DNAH12: variants seen among roughly 807,000 people sequenced by gnomAD.
DNAH12 encodes axonemal beta dynein heavy chain 12.
Under a neutral mutation model 371.5 loss-of-function variants are expected in DNAH12, and 285 were observed. The observed-to-expected ratio is 0.77, with a 90% CI of 0.70 to 0.85. The LOEUF is 0.85. DNAH12 is among the 40% of genes least tolerant of loss of function. The probability of loss-of-function intolerance (pLI) is 0.00; values close to 1 mark genes in which losing one functional copy is unlikely to be tolerated. For synonymous variants in DNAH12, 1,200 were observed against 1,213.0 expected (o/e 0.99, Z 0.22); for missense variants, 3,611 against 3,689.4 (o/e 0.98, Z 0.55).
chr3:57,318,363 T>C (rs1324827281), intron 65 of DNAH12, among the ~76,000 whole-genome samples: 2 of 152,180 alleles, frequency 1.3e-5, no homozygotes, highest in African/African-American at 4.8e-5. Flanking sequence ...TTAAATTTCA[T>C]TCTTTTGCAT....
At chr3:57,471,309 T>C (rs1466758030) in intron 15 of DNAH12, among the ~76,000 whole-genome samples, 163 bp downstream of exon 15, 2 of 149,326 alleles carry the variant, frequency 1.3e-5, no homozygotes, top group African/African-American at 4.9e-5. Context: ...CTATATATTA[T>C]AGTATTAGAT....
At chr3:57,531,811 TG>T (rs1219453012) in intron 2 of DNAH12, among the ~76,000 whole-genome samples, 1 of 150,586 alleles carries the variant, frequency 6.6e-6, no homozygotes, top group Non-Finnish European at 1.5e-5. Flanking sequence ...TCATCTTCTT[TG>T]GGTTAAATGT....
At chr3:57,540,512 T>G (rs1051413276) in intron 2 of DNAH12, among the ~76,000 whole-genome samples, 1 of 152,180 alleles carries the variant, frequency 6.6e-6, no homozygotes. Context: ...AGGATAAGTA[T>G]TCAGGCAGAC....
intron 11 of DNAH12, among the ~76,000 whole-genome samples, chr3:57,499,587 A>G (rs1173876306): frequency 5.1e-5 from 7 of 136,882 alleles, no homozygotes; most frequent in African/African-American, 1.6e-4. Flanking sequence ...TGAGCTTAGA[A>G]GTTCAAAACC....
rs572967097 is a variant in DNAH12 at position 57,434,036 on chromosome 3, A to G, written c.4656-208T>C. 4.6e-5 allele frequency among the ~76,000 whole-genome samples: 7 copies of G among 152,310 alleles called. 1 individual carries two copies. In the South Asian group the frequency reaches 1.5e-3, roughly 32 times the overall value. On this transcript the variant is annotated intron_variant, in intron 30 of 73. Transcript: ENST00000495027. ...TCACTGTAATATTATTTTCTCCAAA[A>G]GGGAATATAATAAACAATCTCCAAA...
chr3:57,369,538 A>C (rs2063127087), intron 55 of DNAH12, among the ~76,000 whole-genome samples: 1 of 151,914 alleles, frequency 6.6e-6, no homozygotes, highest in African/African-American at 2.4e-5. Flanking sequence ...CCCCAAAGAC[A>C]AAACTAGCTG....
At chr3:57,411,760 T>G (rs930849190) in intron 39 of DNAH12, among the ~76,000 whole-genome samples, 1 of 152,114 alleles carries the variant, frequency 6.6e-6, no homozygotes, top group Non-Finnish European at 1.5e-5. Flanking sequence ...CCTTCCAAAC[T>G]TGACATGTAG....
Position 57,298,582 on chromosome 3 carries a change from T to C in DNAH12, c.11395-1598A>G, listed in dbSNP as rs9877369. 6.0e-3 allele frequency among the ~76,000 whole-genome samples: 908 copies of C among 152,364 alleles called. 7 individuals are homozygous for C. Among genetic ancestry groups the C allele is most frequent in the African/African-American group, 0.02 (838 of 41,570 alleles). On this transcript the variant is annotated intron_variant, in intron 70 of 73. Transcript: ENST00000495027. ...CTTATGTCAGAATTTTTGTTACTTA[T>C]AATGGAATCAATCCAAAGTGGTACA...
intron 58 of DNAH12, among the ~76,000 whole-genome samples, chr3:57,361,531 C>G (rs2062936827): frequency 6.9e-6 from 1 of 143,938 alleles, no homozygotes; most frequent in Non-Finnish European, 1.5e-5. Context: ...AAACTATTTG[C>G]CTCTCTTCCT....
chr3:57,382,952 T>C (rs1274097327), intron 49 of DNAH12, among the ~76,000 whole-genome samples: 1 of 152,230 alleles, frequency 6.6e-6, no homozygotes, highest in Non-Finnish European at 1.5e-5. Flanking sequence ...TTTCATGCAA[T>C]TAAAGTTCTG....
At chr3:57,308,642 C>T (rs915776046) in intron 69 of DNAH12, among the ~76,000 whole-genome samples, 9 of 152,110 alleles carry the variant, frequency 5.9e-5, no homozygotes, top group Non-Finnish European at 1.2e-4. Context: ...TTTACACTGC[C>T]GGTTTACACT....
chr3:57,457,768 C>T lies in DNAH12; in HGVS notation c.3289G>A (p.Asp1097Asn). ...TCGTGAACACTCCGGAGCATTAGGT[C>T]TTCCACTTGAATGAGCCACTTTTCC... is the stretch of plus-strand genomic sequence containing the variant. ...AVEKWLIQVE[D>N]LMLRSVHDVI... Residue 1097 changes from aspartate (D) to asparagine (N), a missense_variant, in exon 22 of 74, where the codon GAC becomes AAC. Transcript: ENST00000495027. 2 of 1,551,614 alleles carry T rather than the reference C, an allele frequency of 1.3e-6. No homozygotes were observed. The highest frequency in any genetic ancestry group is 4.9e-5 in the East Asian group (2 of 40,898).
At chr3:57,358,391 G>A (rs2062847262) in intron 58 of DNAH12, among the ~76,000 whole-genome samples, 1 of 151,960 alleles carries the variant, frequency 6.6e-6, no homozygotes, top group Non-Finnish European at 1.5e-5. Flanking sequence ...TGACCACACA[G>A]CCCCGGAGGT....
chr3:57,522,758 G>C (rs566705331), intron 4 of DNAH12, among the ~76,000 whole-genome samples: 1 of 151,866 alleles, frequency 6.6e-6, no homozygotes, highest in South Asian at 2.1e-4. Context: ...GTTATCCTTT[G>C]CTAGTAAAGA....
At chr3:57,460,976 T>C (rs2066038658) in intron 19 of DNAH12, among the ~76,000 whole-genome samples, 1 of 152,194 alleles carries the variant, frequency 6.6e-6, no homozygotes, top group Non-Finnish European at 1.5e-5. Context: ...CCAGTTGTCT[T>C]TCCCCAATTT....
chr3:57,453,341 T>C lies in DNAH12; in HGVS notation c.3519A>G (p.Arg1173=). The C allele has an allele frequency of 6.4e-7, 1 of 1,551,320 alleles. No individual in the cohort carries two copies. The highest frequency in any genetic ancestry group is 8.7e-7 in the Non-Finnish European group (1 of 1,146,818). The change falls in exon 24 of 74, where the codon AGA becomes AGG. Residue 1173 remains arginine, a synonymous_variant. Transcript: ENST00000495027. ...TCCTGGTCTGCTTAGACAACTTTCC[T>C]CTTACCAGCTCTACAATCTCATTCA... The part of the protein sequence containing the change: ...NQLNEIVELV[R]GKLSKQTRTT...
At chr3:57,471,780 A>G (rs2066376444) in intron 14 of DNAH12, among the ~76,000 whole-genome samples, 174 bp from the exon 15 acceptor site, 1 of 152,188 alleles carries the variant, frequency 6.6e-6, no homozygotes, top group African/African-American at 2.4e-5. Flanking sequence ...ACCACACAGA[A>G]AAACATTCCT....
chr3:57,351,105 C>T (rs1475780798), intron 60 of DNAH12, among the ~76,000 whole-genome samples: 3 of 151,916 alleles, frequency 2.0e-5, no homozygotes, highest in African/African-American at 7.3e-5. Flanking sequence ...CCTGTCTCTA[C>T]TAAAAATACA....
chr3:57,375,670 A>C, intron 54 of DNAH12, 148 bp downstream of exon 54: 1 of 152,320 alleles, frequency 6.6e-6, no homozygotes, highest in East Asian at 1.9e-4. Flanking sequence ...GAAGTATTTT[A>C]CTGATGAAAC....
Sources: allele counts gnomAD v4.1 joint callset (sites outside exome capture counted in the v4.1 genomes callset), GRCh38; gene constraint gnomAD v4.1.1; transcripts MANE v1.5; gene names NCBI Gene and HGNC (gene_info 2026-07-23, HGNC 2026-07-21).